The following NBEA variants were observed in gnomAD, a reference collection of about 807,000 sequenced individuals.
NBEA encodes the protein lysosomal-trafficking regulator 2.
A neutral mutation model predicts 343.4 loss-of-function variants in NBEA; 44 were observed. That is an observed-to-expected ratio of 0.13 (90% CI 0.10 to 0.16). NBEA has a LOEUF of 0.16. Among genes scored for constraint, NBEA ranks in the 10% least tolerant of loss-of-function variants. The probability of loss-of-function intolerance (pLI) is 1.00; values close to 1 mark genes in which losing one functional copy is unlikely to be tolerated. For synonymous variants in NBEA, 1,175 were observed against 1,238.7 expected (o/e 0.95, Z 1.08); for missense variants, 2,555 against 3,631.3 (o/e 0.70, Z 7.62).
intron 41 of NBEA, among the ~76,000 whole-genome samples, chr13:35,518,606 G>A (rs1041569390): frequency 3.9e-5 from 6 of 152,156 alleles, no homozygotes; most frequent in Admixed American, 1.3e-4. Flanking sequence ...TATGCCAGAC[G>A]ATGGTTAGAA....
chr13:35,668,492 G>A lies in NBEA; in HGVS notation c.8786G>A (p.Arg2929Lys). 2 of 1,611,398 alleles carry A rather than the reference G, an allele frequency of 1.2e-6. No individual in the cohort carries two copies. The highest frequency in any genetic ancestry group is 1.7e-6 in the Non-Finnish European group (2 of 1,178,838). The change falls in exon 58 of 59, where the codon AGA becomes AAA. Residue 2929 changes from arginine (R) to lysine (K), a missense_variant. Arg to Lys is a conservative substitution (Grantham distance 26). This residue lies in a region of NBEA where 186 missense variants were observed against 328.9 expected (regional missense o/e 0.57). Coordinates refer to ENST00000379939, the MANE Select transcript of NBEA (RefSeq NM_001385012.1). ...TACCCTGGATGTGATGCTGGCATTA[G>A]AGCAATGGACTTGTCCCATGACCAG... ...YIYPGCDAGI[R>K]AMDLSHDQRT...
At position 35,490,009 on chromosome 13, in the gene NBEA, C is replaced by T. The variant is rs150353144; in HGVS notation, c.6585+17473C>T. On this transcript the variant is annotated intron_variant, in intron 41 of 58. Coordinates refer to ENST00000379939, the MANE Select transcript of NBEA (RefSeq NM_001385012.1). Reference sequence around the variant, plus strand: ...TGCCCTCACCAAGTAGTCAGTGATTCAGTGGCCTGTAACGCTGTAAATCCC... The same window carrying T: ...TGCCCTCACCAAGTAGTCAGTGATTTAGTGGCCTGTAACGCTGTAAATCCC... 1.6e-4 allele frequency among the ~76,000 whole-genome samples: 24 copies of T among 152,000 alleles called. No individual in the cohort carries two copies. In the East Asian group the frequency reaches 4.3e-3, roughly 27 times the overall value.
chr13:35,293,490 C>G, intron 35 of NBEA, among the ~76,000 whole-genome samples: 1 of 151,746 alleles, frequency 6.6e-6, no homozygotes, highest in East Asian at 1.9e-4. Flanking sequence ...GTGAAATGAA[C>G]TAAAGTAAAA....
At chr13:35,018,757 T>C (rs1407241506) in intron 1 of NBEA, among the ~76,000 whole-genome samples, 1 of 152,148 alleles carries the variant, frequency 6.6e-6, no homozygotes, top group Non-Finnish European at 1.5e-5. Context: ...GTTTTGCATT[T>C]GGTTGAGCAT....
intron 40 of NBEA, among the ~76,000 whole-genome samples, chr13:35,463,938 G>A (rs1594723848): frequency 6.6e-6 from 1 of 152,088 alleles, no homozygotes; most frequent in East Asian, 1.9e-4. Flanking sequence ...AAACAGTTTA[G>A]GATAAATGCA....
chr13:35,452,497 T>C (rs2046358743), intron 40 of NBEA, among the ~76,000 whole-genome samples: 1 of 152,160 alleles, frequency 6.6e-6, no homozygotes, highest in South Asian at 2.1e-4. Flanking sequence ...TAATACACAG[T>C]ATCAGTTATT....
At chr13:35,255,239 C>T (rs889246019) in intron 34 of NBEA, among the ~76,000 whole-genome samples, 1 of 152,204 alleles carries the variant, frequency 6.6e-6, no homozygotes, top group Non-Finnish European at 1.5e-5. Flanking sequence ...CGAAGCATCA[C>T]TTTCATTCTT....
intron 1 of NBEA, among the ~76,000 whole-genome samples, chr13:34,966,747 A>G (rs1373040055): frequency 6.6e-6 from 1 of 151,680 alleles, no homozygotes; most frequent in Non-Finnish European, 1.5e-5. Context: ...GAAACTGTAT[A>G]TATGAGAGAA....
rs1028155580 is a variant in NBEA at position 35,391,645 on chromosome 13, G to A, written c.6179+39322G>A. Among the ~76,000 whole-genome samples, 12 of 151,954 alleles carry A rather than the reference G, an allele frequency of 7.9e-5. No homozygotes were observed. The East Asian group carries it at 1.9e-3, about 24-fold the overall frequency. On this transcript the variant is annotated intron_variant, in intron 38 of 58. Transcript: ENST00000379939. Reference sequence around the variant, plus strand: ...TTTTAGGTAAATAATCATTGTAGATGCATGAAGTATGTGTATATAAATAAA... The same window carrying A: ...TTTTAGGTAAATAATCATTGTAGATACATGAAGTATGTGTATATAAATAAA...
intron 34 of NBEA, among the ~76,000 whole-genome samples, chr13:35,262,929 A>G (rs955900953): frequency 3.3e-5 from 5 of 152,250 alleles, no homozygotes; most frequent in Admixed American, 1.3e-4. Flanking sequence ...TGCAATTTCT[A>G]TAAAAGTCCC....
chr13:35,465,921 A>G (rs975013890), intron 40 of NBEA, among the ~76,000 whole-genome samples: 4 of 152,096 alleles, frequency 2.6e-5, no homozygotes, highest in Non-Finnish European at 4.4e-5. Flanking sequence ...TAGAGCATAT[A>G]AGAGTCTTTC....
chr13:35,318,596 C>A lies in NBEA; in HGVS notation c.5903+9004C>A, dbSNP rs902935370. Among the ~76,000 whole-genome samples, 10 of 152,232 alleles carry A rather than the reference C, an allele frequency of 6.6e-5. No homozygotes were observed. In the East Asian group the frequency reaches 1.9e-3, roughly 29 times the overall value. ...TTGTGTCTCTGCCAGGTTTTGGTAT[C>A]AGGATGATGTTGGCCTCATAAAATG... On this transcript the variant is annotated intron_variant, in intron 36 of 58. Transcript: ENST00000379939.
At chr13:35,577,449 A>G (rs902459876) in intron 45 of NBEA, among the ~76,000 whole-genome samples, 1 of 152,168 alleles carries the variant, frequency 6.6e-6, no homozygotes, top group Admixed American at 6.5e-5. Context: ...GGAAATTGGC[A>G]TTTATTATTC....
At chr13:35,113,158 T>C (rs2066302323) in intron 13 of NBEA, among the ~76,000 whole-genome samples, 1 of 152,160 alleles carries the variant, frequency 6.6e-6, no homozygotes, top group African/African-American at 2.4e-5. Context: ...CCAGTTATTT[T>C]TTTGAATAAC....
chr13:35,361,232 T>G (rs1246547688), intron 38 of NBEA, among the ~76,000 whole-genome samples: 2 of 152,000 alleles, frequency 1.3e-5, no homozygotes, highest in Non-Finnish European at 2.9e-5. Context: ...AGCAAAAATA[T>G]TCTCTAGAAA....
At chr13:35,509,796 CT>C (rs1303929460) in intron 41 of NBEA, among the ~76,000 whole-genome samples, 1 of 152,168 alleles carries the variant, frequency 6.6e-6, no homozygotes, top group African/African-American at 2.4e-5. Flanking sequence ...AGTGCCAAAT[CT>C]GAAGGGGTCA....
chr13:35,007,679 G>A (rs2061362497), intron 1 of NBEA, among the ~76,000 whole-genome samples: 1 of 152,092 alleles, frequency 6.6e-6, no homozygotes, highest in Non-Finnish European at 1.5e-5. Context: ...TATTGGTGGA[G>A]ATGGGGCTTT....
intron 1 of NBEA, among the ~76,000 whole-genome samples, chr13:35,025,230 T>C (rs2061978587): frequency 6.6e-6 from 1 of 152,340 alleles, no homozygotes; most frequent in East Asian, 1.9e-4. Context: ...TTTGGAGACA[T>C]CATCTTGAAA....
intron 34 of NBEA, among the ~76,000 whole-genome samples, chr13:35,259,854 C>T (rs1048510481): frequency 7.9e-5 from 12 of 151,948 alleles, no homozygotes; most frequent in African/African-American, 2.4e-4. Flanking sequence ...AACATAACTT[C>T]AATCAAAGAA....
Sources: gnomAD v4.1 joint callset for allele counts (sites outside exome capture counted in the v4.1 genomes callset) on GRCh38, gnomAD v4.1.1 for gene constraint, gnomAD v4.1.1 regional missense constraint, MANE v1.5 for transcripts, NCBI Gene and HGNC (gene_info 2026-07-23, HGNC 2026-07-21) for gene names.